REV3L: variants seen among roughly 807,000 people sequenced by gnomAD.
REV3L encodes the protein DNA polymerase zeta catalytic subunit.
A neutral mutation model predicts 299.4 loss-of-function variants in REV3L; 69 were observed. The observed-to-expected ratio is 0.23, with a 90% CI of 0.19 to 0.28. The LOEUF (loss-of-function observed/expected upper bound fraction) is 0.28. Among genes scored for constraint, REV3L ranks in the 10% least tolerant of loss-of-function variants. The pLI is 1.00. For missense variants in REV3L, 3,128 were observed against 3,693.8 expected (o/e 0.85, Z 3.97); for synonymous variants, 1,238 against 1,271.4 (o/e 0.97, Z 0.56).
chr6:111,422,668 ATATATATATACG>A (rs1429468049), intron 1 of REV3L, among the ~76,000 whole-genome samples: 1,131 of 56,886 alleles, frequency 0.02, 242 homozygotes, highest in Middle Eastern at 0.11. Context: ...ATATACATAT[ATATATATATACG>A]TATATATATA....
chr6:111,345,289 T>C (rs555013326), intron 20 of REV3L, among the ~76,000 whole-genome samples: 56 of 152,258 alleles, frequency 3.7e-4, no homozygotes, highest in African/African-American at 1.2e-3. Flanking sequence ...AGAATGTTAA[T>C]ATATAATTAG....
chr6:111,474,990 C>T (rs7767530), intron 1 of REV3L, among the ~76,000 whole-genome samples: 827 of 9,276 alleles, frequency 0.089, 5 homozygotes, highest in East Asian at 0.29. Context: ...CCTATATATA[C>T]ACACACACAC....
intron 21 of REV3L, among the ~76,000 whole-genome samples, chr6:111,338,312 C>CTTTTTTTTTTTTTTTTTTTT (rs144497761): frequency 4.2e-5 from 2 of 47,940 alleles, no homozygotes; most frequent in East Asian, 1.2e-3. Context: ...GTCTAAAGTC[C>CTTTTTTTTTTTTTTTTTTTT]TTTTTTTTTT....
chr6:111,469,896 CA>C (rs955152664), intron 1 of REV3L, among the ~76,000 whole-genome samples: 3 of 152,148 alleles, frequency 2.0e-5, no homozygotes, highest in Non-Finnish European at 2.9e-5. Context: ...TATCATACAA[CA>C]AAAGCTGATC....
intron 1 of REV3L, among the ~76,000 whole-genome samples, chr6:111,418,328 C>A (rs1303352695): frequency 6.6e-6 from 1 of 152,140 alleles, no homozygotes; most frequent in Non-Finnish European, 1.5e-5. Context: ...GTAAATTTTA[C>A]AAGAAACAAT....
At chr6:111,448,137 G>A (rs1789075707) in intron 1 of REV3L, among the ~76,000 whole-genome samples, 1 of 152,122 alleles carries the variant, frequency 6.6e-6, no homozygotes, top group African/African-American at 2.4e-5. Flanking sequence ...AGAGCTGAAT[G>A]GTCATGTTGA....
chr6:111,403,504 A>G (rs1325169936), intron 4 of REV3L, among the ~76,000 whole-genome samples: 1 of 152,124 alleles, frequency 6.6e-6, no homozygotes, highest in Non-Finnish European at 1.5e-5. Flanking sequence ...TCCTCTTGCA[A>G]TATTTCAAAC....
At chr6:111,328,262 T>C (rs17540055) in intron 25 of REV3L, among the ~76,000 whole-genome samples, 5,619 of 152,270 alleles carry the variant, frequency 0.037, 342 homozygotes, top group African/African-American at 0.13. Flanking sequence ...AAAAAATTTT[T>C]TTAGTTTTTA....
At chr6:111,314,943 T>A (rs974095450) in intron 27 of REV3L, among the ~76,000 whole-genome samples, 1 of 151,522 alleles carries the variant, frequency 6.6e-6, no homozygotes, top group Admixed American at 6.6e-5. Context: ...CTTGAATACC[T>A]GGGCTCAAGT....
At chr6:111,388,970 C>A (rs1781623073) in intron 7 of REV3L, 136 bp downstream of exon 7, 2 of 625,018 alleles carry the variant, frequency 3.2e-6, no homozygotes, top group Middle Eastern at 4.1e-4. Context: ...ACAGCAATGA[C>A]AACAAGAAAA....
At chr6:111,310,223 C>A in intron 29 of REV3L, 124 bp from the exon 30 acceptor site, 2 of 1,223,392 alleles carry the variant, frequency 1.6e-6, no homozygotes, top group Non-Finnish European at 2.2e-6. Context: ...AATTTCAAAA[C>A]AGAATTACTA....
chr6:111,483,697 C>T (rs1275473119), upstream of REV3L: 3 of 355,782 alleles, frequency 8.4e-6, no homozygotes, highest in Admixed American at 3.0e-5. Flanking sequence ...AGGAGGGAGG[C>T]GAGGCGCAGA....
chr6:111,405,994 C>T (rs941611067), intron 3 of REV3L, among the ~76,000 whole-genome samples: 3 of 152,034 alleles, frequency 2.0e-5, no homozygotes, highest in Admixed American at 6.5e-5. Flanking sequence ...ATAATCCCAC[C>T]ACTCAGAGGT....
At chr6:111,367,005 T>G in intron 14 of REV3L, 110 bp downstream of exon 14, 2 of 855,218 alleles carry the variant, frequency 2.3e-6, no homozygotes, top group Non-Finnish European at 3.4e-6. Flanking sequence ...AAATATTTGC[T>G]GAGCTATACC....
intron 4 of REV3L, among the ~76,000 whole-genome samples, chr6:111,395,448 A>G (rs1437205264): frequency 6.6e-6 from 1 of 152,062 alleles, no homozygotes; most frequent in Non-Finnish European, 1.5e-5. Context: ...TAAATTTATT[A>G]CTATTCTTTT....
chr6:111,421,345 T>G (rs1448843884), intron 1 of REV3L, among the ~76,000 whole-genome samples: 1 of 152,140 alleles, frequency 6.6e-6, no homozygotes, highest in Non-Finnish European at 1.5e-5. Flanking sequence ...TTCCTCTAAT[T>G]TGGGGGTCTG....
In REV3L at chr6:111,405,414, CTT is replaced by C. The variant is rs1452336116; in HGVS notation, c.565+54_565+55del. ...TTTATAAATCACTGACTATATAACA[CTT>C]GTTTCAAAACTTTAATTTGACAAAA... is the stretch of plus-strand genomic sequence containing the variant. On this transcript the variant is annotated intron_variant, in intron 4 of 31. Coordinates refer to ENST00000368802, the MANE Select transcript of REV3L (RefSeq NM_001372078.1). The C allele has an allele frequency of 1.0e-5, 13 of 1,304,508 alleles. No individual in the cohort carries two copies. The African/African-American group carries it at 1.3e-4, about 13-fold the overall frequency. The allele number at this position is 1,304,508 out of a possible 1,614,324, so 80.8% of individuals were successfully genotyped here. A position where few individuals can be genotyped will look rare whatever the true frequency, so the allele number is the denominator to read the frequency against.
In REV3L at chr6:111,323,590, T is replaced by C. The variant is rs1214042175; in HGVS notation, c.8242-912A>G. On this transcript the variant is annotated intron_variant, in intron 25 of 31. Transcript: ENST00000368802. ...GTGAATTTTAACAGTGACCACAGCA[T>C]GAGTTTACAAAACAAAAAGATGCTG... is the stretch of plus-strand genomic sequence containing the variant. Among the ~76,000 whole-genome samples, 4 of 152,206 alleles carry C rather than the reference T, an allele frequency of 2.6e-5. No homozygotes were observed. The East Asian group carries it at 7.7e-4, about 29-fold the overall frequency.
Position 111,374,714 on chromosome 6 carries a change from G to GT in REV3L, c.3640dup (p.Thr1214AsnfsTer3). On this transcript the variant is annotated frameshift_variant, in exon 13 of 32. Coordinates refer to ENST00000368802, the MANE Select transcript of REV3L (RefSeq NM_001372078.1). LOFTEE classifies it high-confidence loss of function. ...CTTTCTCGATGTACCTTTCTCATTT[G>GT]TTTTTTGTTTTGCTCTTGGTTTCTT... The GT allele has an allele frequency of 6.2e-7, 1 of 1,612,808 alleles. No homozygotes were observed. Among genetic ancestry groups the GT allele is most frequent in the Non-Finnish European group, 8.5e-7 (1 of 1,179,732 alleles).
Sources: allele counts gnomAD v4.1 joint callset (sites outside exome capture counted in the v4.1 genomes callset), GRCh38; gene constraint gnomAD v4.1.1; transcripts MANE v1.5; gene names NCBI Gene and HGNC (gene_info 2026-07-23, HGNC 2026-07-21).